RBFOX1: variants seen among roughly 807,000 people sequenced by gnomAD.
RBFOX1 encodes RNA binding fox-1 homolog 1.
In RBFOX1, 8 loss-of-function variants were observed where a neutral mutation model predicts 57.7. That is an observed-to-expected ratio of 0.14 (90% CI 0.08 to 0.25). RBFOX1 has a LOEUF of 0.25. Ranked by LOEUF, RBFOX1 falls within the 10% of genes least tolerant of loss-of-function variation. The pLI, the probability that RBFOX1 is intolerant of heterozygous loss-of-function variation, is 1.00. For synonymous variants in RBFOX1, 326 were observed against 222.4 expected (o/e 1.47, Z -4.15); for missense variants, 611 against 548.5 (o/e 1.11, Z -1.14).
At chr16:7,024,991 C>G (rs1484245087) in intron 3 of RBFOX1, among the ~76,000 whole-genome samples, 1 of 152,134 alleles carries the variant, frequency 6.6e-6, no homozygotes, top group Non-Finnish European at 1.5e-5. Context: ...AGAGATGAAA[C>G]TGTTACAGGC....
chr16:6,583,959 A>G (rs1462212366), intron 2 of RBFOX1, among the ~76,000 whole-genome samples: 1 of 152,042 alleles, frequency 6.6e-6, no homozygotes, highest in African/African-American at 2.4e-5. Context: ...GGTAGTTGAG[A>G]AAGCTGAAAA....
In RBFOX1 at chr16:5,756,188, T is replaced by C. The variant is rs115827610; in HGVS notation, c.319-111115T>C. ...TCCCCTTTAGTGGGTATTATTTGATTTCTGTGAACCCCCTTCTTACATCTT... is the reference window on the plus strand; with the variant it reads ...TCCCCTTTAGTGGGTATTATTTGATCTCTGTGAACCCCCTTCTTACATCTT... On this transcript the variant is annotated intron_variant, in intron 3 of 19. Transcript: ENST00000641259. 1.0e-2 allele frequency among the ~76,000 whole-genome samples: 1,449 copies of C among 145,448 alleles called. 36 individuals carry two copies. Among genetic ancestry groups the C allele is most frequent in the African/African-American group, 0.037 (1,396 of 38,076 alleles).
chr16:6,509,811 C>A (rs1246051925), intron 2 of RBFOX1, among the ~76,000 whole-genome samples: 1 of 152,270 alleles, frequency 6.6e-6, no homozygotes, highest in South Asian at 2.1e-4. Context: ...TAAATATATA[C>A]ACTTACCATG....
chr16:7,530,900 C>A (rs540125074), intron 5 of RBFOX1, among the ~76,000 whole-genome samples: 1 of 152,206 alleles, frequency 6.6e-6, no homozygotes, highest in Non-Finnish European at 1.5e-5. Context: ...CATCACCACC[C>A]AGAAAATAAG....
At chr16:5,484,727 A>G (rs2069665590) in intron 2 of RBFOX1, among the ~76,000 whole-genome samples, 1 of 151,826 alleles carries the variant, frequency 6.6e-6, no homozygotes, top group African/African-American at 2.4e-5. Context: ...CCTGGCCAAC[A>G]TGGTGAAACC....
intron 3 of RBFOX1, among the ~76,000 whole-genome samples, chr16:5,741,079 G>C (rs151338135): frequency 2.5e-3 from 381 of 152,284 alleles, no homozygotes; most frequent in African/African-American, 8.9e-3. Context: ...GACCAGGAAG[G>C]GTGGAGTCAC....
chr16:6,327,513 T>A (rs562281147), intron 2 of RBFOX1, among the ~76,000 whole-genome samples: 8 of 152,266 alleles, frequency 5.3e-5, no homozygotes, highest in African/African-American at 1.9e-4. Context: ...GTTCGTTGTA[T>A]TTTGGGCTTT....
chr16:6,781,437 C>A (rs142024067), intron 3 of RBFOX1, among the ~76,000 whole-genome samples: 1 of 151,988 alleles, frequency 6.6e-6, no homozygotes, highest in Non-Finnish European at 1.5e-5. Context: ...AATCCTGATC[C>A]TGTAGAATGA....
chr16:6,871,970 G>A (rs555508645), intron 3 of RBFOX1, among the ~76,000 whole-genome samples: 10 of 134,506 alleles, frequency 7.4e-5, no homozygotes, highest in Admixed American at 1.5e-4. Context: ...TGTTTCCCTC[G>A]GTAGAGTATG....
chr16:6,188,435 A>G (rs1323239831), intron 1 of RBFOX1, among the ~76,000 whole-genome samples: 1 of 148,348 alleles, frequency 6.7e-6, no homozygotes, highest in Non-Finnish European at 1.5e-5. Flanking sequence ...AAAAAAAAAA[A>G]AAGGCTAAAC....
At chr16:6,103,757 C>A (rs1356768184) in intron 1 of RBFOX1, among the ~76,000 whole-genome samples, 1 of 152,112 alleles carries the variant, frequency 6.6e-6, no homozygotes, top group East Asian at 1.9e-4. Flanking sequence ...TTGGCCAGAA[C>A]CAGTCATGTG....
At chr16:6,851,335 AT>A (rs968323979) in intron 3 of RBFOX1, among the ~76,000 whole-genome samples, 1 of 152,026 alleles carries the variant, frequency 6.6e-6, no homozygotes, top group Admixed American at 6.6e-5. Flanking sequence ...TCTGTGGACT[AT>A]TTTTTGTCCT....
chr16:7,084,039 A>T (rs532352279), intron 4 of RBFOX1, among the ~76,000 whole-genome samples: 1 of 152,096 alleles, frequency 6.6e-6, no homozygotes, highest in African/African-American at 2.4e-5. Context: ...ATCATCTTTC[A>T]GGTCATTTAC....
At position 7,676,843 on chromosome 16, in the gene RBFOX1, G is replaced by A; in HGVS notation, c.995+5G>A. ...TGCCGCTGCCTACAGTGACAGGTAA[G>A]GGTCATCCTTCTTGTGCTTGACAAC... On this transcript the variant is annotated splice_donor_5th_base_variant and intron_variant, in intron 14 of 15. Coordinates refer to ENST00000550418, the MANE Select transcript of RBFOX1 (RefSeq NM_018723.4). The A allele has an allele frequency of 6.2e-7, 1 of 1,610,394 alleles. No individual in the cohort carries two copies. Among genetic ancestry groups the A allele is most frequent in the Non-Finnish European group, 8.5e-7 (1 of 1,176,842 alleles).
chr16:6,344,988 C>T (rs1461794348), intron 2 of RBFOX1, among the ~76,000 whole-genome samples: 1 of 152,052 alleles, frequency 6.6e-6, no homozygotes, highest in Non-Finnish European at 1.5e-5. Context: ...TCTTTGTGAG[C>T]ATCAAGTCTG....
chr16:6,759,350 C>T (rs1373766374), intron 3 of RBFOX1, among the ~76,000 whole-genome samples: 7 of 152,128 alleles, frequency 4.6e-5, no homozygotes, highest in Admixed American at 1.3e-4. Context: ...AGTGTTTAGT[C>T]GTGTTGGCCA....
intron 1 of RBFOX1, among the ~76,000 whole-genome samples, chr16:5,441,273 C>G (rs867697617): frequency 2.6e-5 from 4 of 151,894 alleles, no homozygotes; most frequent in South Asian, 4.2e-4. Flanking sequence ...ATGGGCCTGG[C>G]TCTGGGGATA....
At chr16:5,392,595 G>T (rs2066443852) in intron 1 of RBFOX1, among the ~76,000 whole-genome samples, 1 of 151,118 alleles carries the variant, frequency 6.6e-6, no homozygotes, top group Non-Finnish European at 1.5e-5. Context: ...CTGGAGTGCA[G>T]TGGTGCAATC....
chr16:6,824,983 G>GTTTTTTTGTTTTTTTTTTTTTT (rs2091916629), intron 3 of RBFOX1, among the ~76,000 whole-genome samples: 1 of 36,878 alleles, frequency 2.7e-5, no homozygotes, highest in Non-Finnish European at 5.9e-5. Flanking sequence ...TTCTTTCTTG[G>GTTTTTTTGTTTTTTTTTTTTTT]TTTTTTTTTT....
Sources: gnomAD v4.1 joint callset for allele counts (sites outside exome capture counted in the v4.1 genomes callset) on GRCh38, gnomAD v4.1.1 for gene constraint, MANE v1.5 for transcripts, NCBI Gene and HGNC (gene_info 2026-07-23, HGNC 2026-07-21) for gene names.